GRID2: variants seen among roughly 807,000 people sequenced by gnomAD.
The protein encoded by GRID2 is glutamate receptor ionotropic, delta-2.
Under a neutral mutation model 114.8 loss-of-function variants are expected in GRID2, and 33 were observed. That is an observed-to-expected ratio of 0.29 (90% CI 0.22 to 0.38). The LOEUF (loss-of-function observed/expected upper bound fraction) is 0.38. Ranked by LOEUF, GRID2 falls within the 10% of genes least tolerant of loss-of-function variation. GRID2 has a pLI of 1.00. For missense variants in GRID2, 1,184 were observed against 1,257.7 expected (o/e 0.94, Z 0.89); for synonymous variants, 505 against 449.9 (o/e 1.12, Z -1.55).
At position 92,827,133 on chromosome 4, in the gene GRID2, A is replaced by G. The variant is rs182600063; in HGVS notation, c.244+236847A>G. The stretch of plus-strand genomic sequence containing the variant: ...TAACAAATTGAGTAGAAAATCAGAT[A>G]AAAGAATCCACTTATCCTCTATTAA... On this transcript the variant is annotated intron_variant, in intron 2 of 15. Coordinates refer to ENST00000282020, the MANE Select transcript of GRID2 (RefSeq NM_001510.4). Among the ~76,000 whole-genome samples, 3 of 152,168 alleles carry G rather than the reference A, an allele frequency of 2.0e-5. No homozygotes were observed. In the East Asian group the frequency reaches 5.8e-4, roughly 29 times the overall value.
At chr4:92,524,098 T>C (rs932595382) in intron 1 of GRID2, among the ~76,000 whole-genome samples, 2 of 152,048 alleles carry the variant, frequency 1.3e-5, no homozygotes, top group African/African-American at 4.8e-5. Context: ...AGGAAAACTA[T>C]GTTTTTTGAC....
chr4:93,192,599 A>G (rs965187441), intron 4 of GRID2, among the ~76,000 whole-genome samples: 2 of 151,936 alleles, frequency 1.3e-5, no homozygotes, highest in African/African-American at 2.4e-5. Flanking sequence ...AATACAAAAA[A>G]TAGCCAGCAT....
rs557574273 is a variant in GRID2 at position 92,763,513 on chromosome 4, CACA to C, written c.244+173231_244+173233del. On this transcript the variant is annotated intron_variant, in intron 2 of 15. Transcript: ENST00000282020. ...TAAAAATATAGTTTGGCAACTATTA[CACA>C]ACATTAGGTATTGCAAGTAATCTAA... Among the ~76,000 whole-genome samples the C allele has an allele frequency of 4.8e-4, 73 of 152,254 alleles. 2 individuals are homozygous for C. The South Asian group carries it at 0.015, about 31-fold the overall frequency.
In GRID2 at chr4:93,423,346, T is replaced by C. The variant is rs1353695925; in HGVS notation, c.1545+378T>C. Among the ~76,000 whole-genome samples the C allele has an allele frequency of 5.7e-3, 660 of 116,422 alleles. 7 individuals are homozygous for C. Among genetic ancestry groups the C allele is most frequent in the African/African-American group, 0.021 (632 of 29,704 alleles). The allele number at this position is 116,422 out of a possible 152,430, so 76.4% of individuals were successfully genotyped here. The stretch of plus-strand genomic sequence containing the variant: ...CTATTTTTTTTCTTTCTTTTTTTTT[T>C]TTTTTTTTTTTTTTTTTTTGAGACA... On this transcript the variant is annotated intron_variant, in intron 10 of 15. Coordinates refer to ENST00000282020, the MANE Select transcript of GRID2 (RefSeq NM_001510.4).
At chr4:93,600,443 A>G (rs1578364821) in intron 13 of GRID2, among the ~76,000 whole-genome samples, 1 of 152,156 alleles carries the variant, frequency 6.6e-6, no homozygotes, top group African/African-American at 2.4e-5. Context: ...AAAATATACA[A>G]ATTACCAATA....
intron 1 of GRID2, among the ~76,000 whole-genome samples, chr4:92,553,108 G>A (rs1013843893): frequency 1.3e-5 from 2 of 152,056 alleles, no homozygotes; most frequent in Non-Finnish European, 2.9e-5. Flanking sequence ...AGGCTAAGAG[G>A]CCATAATTTT....
intron 8 of GRID2, among the ~76,000 whole-genome samples, chr4:93,290,871 A>AC (rs1753666247): frequency 2.1e-5 from 2 of 93,642 alleles, no homozygotes; most frequent in Non-Finnish European, 2.1e-5. Context: ...CATACAAGTT[A>AC]CTTTTTTTTT....
chr4:92,944,720 A>C (rs1027045478), intron 2 of GRID2, among the ~76,000 whole-genome samples: 1 of 152,130 alleles, frequency 6.6e-6, no homozygotes, highest in Non-Finnish European at 1.5e-5. Flanking sequence ...ATTAGAATCT[A>C]TTTGATTTTT....
intron 14 of GRID2, among the ~76,000 whole-genome samples, chr4:93,709,093 T>G (rs1263162346): frequency 6.6e-6 from 1 of 152,138 alleles, no homozygotes; most frequent in African/African-American, 2.4e-5. Flanking sequence ...AGATTCATCT[T>G]TCATCTTTCT....
At chr4:92,755,224 C>T (rs1737654270) in intron 2 of GRID2, among the ~76,000 whole-genome samples, 1 of 152,130 alleles carries the variant, frequency 6.6e-6, no homozygotes, top group Non-Finnish European at 1.5e-5. Flanking sequence ...AACTTTGTTT[C>T]TGCCATTTTT....
chr4:93,800,722 T>C (rs1383316952), intron 1 of GRID2, among the ~76,000 whole-genome samples: 4 of 152,216 alleles, frequency 2.6e-5, no homozygotes, highest in African/African-American at 9.6e-5. Flanking sequence ...GTGATGAAAG[T>C]TATTTTATAA....
At chr4:93,407,132 T>G (rs1032036307) in intron 9 of GRID2, among the ~76,000 whole-genome samples, 7 of 152,142 alleles carry the variant, frequency 4.6e-5, no homozygotes, top group Admixed American at 3.3e-4. Flanking sequence ...GGAACTTGGA[T>G]TCTTTCAAAG....
chr4:92,619,054 C>T (rs1470459764), intron 2 of GRID2, among the ~76,000 whole-genome samples: 1 of 151,262 alleles, frequency 6.6e-6, no homozygotes, highest in South Asian at 2.1e-4. Flanking sequence ...TTGAATTTGT[C>T]TTTGTTTTTT....
At chr4:92,536,165 CTGCTGATTGGTCCATTTTACAGAG>C (rs1725620086) in intron 1 of GRID2, among the ~76,000 whole-genome samples, 1 of 152,316 alleles carries the variant, frequency 6.6e-6, no homozygotes, top group Non-Finnish European at 1.5e-5. Flanking sequence ...CACCCACATC[CTGCTGATTGGTCCATTTTACAGAG>C]TGCTGATTGG....
chr4:92,392,660 T>C (rs1409100268), intron 1 of GRID2, among the ~76,000 whole-genome samples: 1 of 152,174 alleles, frequency 6.6e-6, no homozygotes, highest in African/African-American at 2.4e-5. Flanking sequence ...GTTACATTAC[T>C]GAAGTAATTA....
intron 12 of GRID2, among the ~76,000 whole-genome samples, chr4:93,507,997 G>A (rs778314859): frequency 6.6e-5 from 10 of 151,718 alleles, no homozygotes; most frequent in Non-Finnish European, 8.8e-5. Flanking sequence ...ATCACACACC[G>A]GAGACTGCTG....
chr4:93,364,037 T>C (rs188142632), intron 8 of GRID2, among the ~76,000 whole-genome samples: 1 of 152,216 alleles, frequency 6.6e-6, no homozygotes, highest in East Asian at 1.9e-4. Flanking sequence ...GTGTGTTGTA[T>C]TCATTGTAGT....
intron 1 of GRID2, among the ~76,000 whole-genome samples, chr4:92,332,860 G>T (rs574866109): frequency 5.3e-5 from 8 of 152,322 alleles, no homozygotes; most frequent in Admixed American, 4.6e-4. Context: ...CTCATCCTGG[G>T]AAAACTGGGG....
chr4:92,530,248 C>T (rs1368837779), intron 1 of GRID2, among the ~76,000 whole-genome samples: 1 of 151,698 alleles, frequency 6.6e-6, no homozygotes, highest in Non-Finnish European at 1.5e-5. Context: ...ACGGTAATCA[C>T]ATGGATATTG....
Sources: gnomAD v4.1 joint callset for allele counts (sites outside exome capture counted in the v4.1 genomes callset) on GRCh38, gnomAD v4.1.1 for gene constraint, MANE v1.5 for transcripts, NCBI Gene and HGNC (gene_info 2026-07-23, HGNC 2026-07-21) for gene names.